SNAPC3: variants seen among roughly 807,000 people sequenced by gnomAD.
The protein encoded by SNAPC3 is small nuclear RNA activating complex polypeptide 3, also known as snRNA-activating protein complex subunit 3.
In SNAPC3, 56 loss-of-function variants were observed where a neutral mutation model predicts 47.7. The observed-to-expected ratio is 1.18, with a 90% CI of 0.95 to 1.47. The LOEUF is 1.47. SNAPC3 is among the 40% of genes most tolerant of loss of function. SNAPC3 has a pLI of 0.00. For missense variants in SNAPC3, 665 were observed against 511.3 expected (o/e 1.30, Z -2.90); for synonymous variants, 235 against 189.9 (o/e 1.24, Z -1.95).
At chr9:15,464,659 G>A (rs949902310), downstream of SNAPC3, 1 of 198,358 alleles carries the variant, frequency 5.0e-6, no homozygotes, top group Non-Finnish European at 1.0e-5. Context: ...AAGTTTTAGT[G>A]ACTTCCTAAA....
intron 6 of SNAPC3, among the ~76,000 whole-genome samples, chr9:15,452,309 T>C (rs1235647772): frequency 1.4e-5 from 2 of 142,050 alleles, no homozygotes; most frequent in Non-Finnish European, 3.0e-5. Context: ...AGTTCAAACC[T>C]ATTGGTTTCA....
At chr9:15,435,831 C>T (rs575687020) in intron 3 of SNAPC3, among the ~76,000 whole-genome samples, 7 of 108,920 alleles carry the variant, frequency 6.4e-5, no homozygotes, top group African/African-American at 2.2e-4. Flanking sequence ...TGTCTTTTTA[C>T]TTACTTTTCT....
rs746067543 is a variant in SNAPC3, at chr9:15,459,756, C to T, written c.1126C>T (p.Pro376Ser). The T allele has an allele frequency of 4.3e-6, 7 of 1,613,234 alleles. No homozygotes were observed. The South Asian group carries it at 7.7e-5, about 18-fold the overall frequency. ...CAATGACAGTTTTGCACCAGAGGAC[C>T]CATGCTTCTTTTGTGATGTTTGCTT... ...TNNDSFAPED[P>S]CFFCDVCFRM... Residue 376 changes from proline to serine, a missense_variant, in exon 9 of 9, where the codon CCA becomes TCA. Pro to Ser is a moderately conservative substitution (Grantham distance 74). Transcript: ENST00000380821.
intron 4 of SNAPC3, among the ~76,000 whole-genome samples, chr9:15,446,165 A>G (rs2033913138): frequency 6.6e-6 from 1 of 152,208 alleles, no homozygotes; most frequent in African/African-American, 2.4e-5. Context: ...ACTTCAGTTT[A>G]AACCAGAAAA....
At chr9:15,463,911 T>A (rs952485340), downstream of SNAPC3, 1 of 156,480 alleles carries the variant, frequency 6.4e-6, no homozygotes, top group African/African-American at 2.4e-5. Context: ...ATTACCTTTA[T>A]TTTTTATCAT....
At chr9:15,459,253 C>G (rs4741505) in intron 8 of SNAPC3, among the ~76,000 whole-genome samples, 1 of 152,060 alleles carries the variant, frequency 6.6e-6, no homozygotes, top group Non-Finnish European at 1.5e-5. Flanking sequence ...ATCTTGAGTT[C>G]TAGGTAAAAA....
At chr9:15,465,442 TA>T (rs2035551836), downstream of SNAPC3, 1 of 1,287,944 alleles carries the variant, frequency 7.8e-7, no homozygotes, top group Non-Finnish European at 1.1e-6. Flanking sequence ...TATAAAAATT[TA>T]AAACTTTCAG....
intron 5 of SNAPC3, among the ~76,000 whole-genome samples, chr9:15,449,046 G>A (rs1332795156): frequency 6.6e-6 from 1 of 152,052 alleles, no homozygotes; most frequent in African/African-American, 2.4e-5. Flanking sequence ...CTGACTTCAG[G>A]TGATCCACCC....
Position 15,444,590 on chromosome 9 carries a change from T to G in SNAPC3, c.478-12T>G. The G allele has an allele frequency of 6.5e-7, 1 of 1,541,094 alleles. No homozygotes were observed. Among genetic ancestry groups the G allele is most frequent in the Non-Finnish European group, 9.0e-7 (1 of 1,115,694 alleles). On this transcript the variant is annotated splice_polypyrimidine_tract_variant and intron_variant, in intron 3 of 8. Coordinates refer to ENST00000380821, the MANE Select transcript of SNAPC3 (RefSeq NM_001039697.2). ...TAGTATCTGATTTCAGTGTCTCTTT[T>G]TCTTTCTTCAGGAGTCACATGCCAT...
intron 5 of SNAPC3, among the ~76,000 whole-genome samples, chr9:15,449,332 G>C (rs1195356264): frequency 1.3e-5 from 2 of 151,888 alleles, no homozygotes; most frequent in Non-Finnish European, 1.5e-5. Context: ...TTGTCTGTCT[G>C]TTTTTTAATC....
chr9:15,440,426 A>G (rs1159751879), intron 3 of SNAPC3, among the ~76,000 whole-genome samples: 1 of 152,156 alleles, frequency 6.6e-6, no homozygotes, highest in Admixed American at 6.5e-5. Context: ...TTTCTCCTTC[A>G]TTCCTGAAGG....
intron 2 of SNAPC3, among the ~76,000 whole-genome samples, 166 bp downstream of exon 2, chr9:15,424,152 C>T (rs868229528): frequency 2.1e-4 from 32 of 152,216 alleles, no homozygotes; most frequent in African/African-American, 7.5e-4. Context: ...TATGGGATGC[C>T]TGCTGTGTGT....
At chr9:15,443,061 C>T (rs1253476127) in intron 3 of SNAPC3, among the ~76,000 whole-genome samples, 6 of 152,306 alleles carry the variant, frequency 3.9e-5, no homozygotes, top group South Asian at 2.1e-4. Context: ...ATCCCAGGCA[C>T]TCGGCAGGCT....
In SNAPC3 at chr9:15,447,041, G is replaced by A. The variant is rs550373187; in HGVS notation, c.583-54G>A. On this transcript the variant is annotated intron_variant, in intron 4 of 8. Coordinates refer to ENST00000380821, the MANE Select transcript of SNAPC3 (RefSeq NM_001039697.2). ...TTTTGATCTAGTCATGACAGGATTT[G>A]TAGTTTTATCGCTTTGTCTCTAAAT... The A allele has an allele frequency of 8.8e-6, 13 of 1,470,008 alleles. No individual in the cohort carries two copies. The African/African-American group carries it at 1.5e-4, about 17-fold the overall frequency. 91.1% of individuals were successfully genotyped at this position (1,470,008 alleles called of 1,614,324 possible). A position where few individuals can be genotyped will look rare whatever the true frequency, so the allele number is the denominator to read the frequency against.
chr9:15,426,302 C>T (rs549159678), intron 2 of SNAPC3, among the ~76,000 whole-genome samples: 1 of 152,298 alleles, frequency 6.6e-6, no homozygotes, highest in African/African-American at 2.4e-5. Context: ...GACTTCTACT[C>T]ATCCTGCAAG....
chr9:15,449,949 TAGTA>T, intron 5 of SNAPC3, among the ~76,000 whole-genome samples: 1 of 152,258 alleles, frequency 6.6e-6, no homozygotes, highest in Middle Eastern at 3.4e-3. Flanking sequence ...TGCCAAAAGA[TAGTA>T]AGTTGCTTAA....
chr9:15,432,629 T>C (rs1204802884), intron 2 of SNAPC3, among the ~76,000 whole-genome samples: 13 of 152,222 alleles, frequency 8.5e-5, no homozygotes, highest in Admixed American at 8.5e-4. Flanking sequence ...AGTGATAGTA[T>C]TAGATTTTAA....
At chr9:15,429,113 CAT>C (rs1452747988) in intron 2 of SNAPC3, among the ~76,000 whole-genome samples, 1 of 152,044 alleles carries the variant, frequency 6.6e-6, no homozygotes, top group Non-Finnish European at 1.5e-5. Context: ...GCAAAAAGAA[CAT>C]ATAACTTACA....
At chr9:15,444,734 T>G (rs1459727126) in intron 4 of SNAPC3, 28 bp downstream of exon 4, 2 of 1,165,946 alleles carry the variant, frequency 1.7e-6, no homozygotes, top group Admixed American at 3.9e-5. Context: ...TTGGATTTTA[T>G]GGATAATAGT....
Sources: allele counts gnomAD v4.1 joint callset (sites outside exome capture counted in the v4.1 genomes callset), GRCh38; gene constraint gnomAD v4.1.1; transcripts MANE v1.5; gene names NCBI Gene and HGNC (gene_info 2026-07-23, HGNC 2026-07-21).